The following PIK3C2G variants were observed in gnomAD, a reference collection of about 807,000 sequenced individuals.
The protein encoded by PIK3C2G is phosphatidylinositol-4-phosphate 3-kinase catalytic subunit type 2 gamma.
Under a neutral mutation model 181.1 loss-of-function variants are expected in PIK3C2G, and 168 were observed. That is an observed-to-expected ratio of 0.93 (90% confidence interval 0.82 to 1.05). PIK3C2G has a LOEUF of 1.05. Among genes scored for constraint, PIK3C2G ranks in the 50% least tolerant of loss-of-function variants. The probability of loss-of-function intolerance (pLI) is 0.00; values close to 1 mark genes in which losing one functional copy is unlikely to be tolerated. For missense variants in PIK3C2G, 1,869 were observed against 1,732.8 expected (o/e 1.08, Z -1.40); for synonymous variants, 573 against 592.2 (o/e 0.97, Z 0.47).
chr12:18,339,605 A>G (rs1422355971), intron 9 of PIK3C2G, among the ~76,000 whole-genome samples: 1 of 152,164 alleles, frequency 6.6e-6, no homozygotes, highest in Non-Finnish European at 1.5e-5. Flanking sequence ...GAAATTTTCA[A>G]AAGACTGATT....
Position 18,497,646 on chromosome 12 carries a change from C to T in PIK3C2G, c.2914C>T (p.Leu972Phe), listed in dbSNP as rs765083759. 1.1e-5 allele frequency: 18 copies of T among 1,612,536 alleles called. No homozygotes were observed. The Middle Eastern group carries it at 4.9e-4, about 44-fold the overall frequency. Residue 972 changes from leucine to phenylalanine, a missense_variant, in exon 22 of 33, where the codon CTT becomes TTT. Coordinates refer to ENST00000538779, the MANE Select transcript of PIK3C2G (RefSeq NM_001288772.2). ...TGGAGATGATCTTCGTCAGGATATGCTTGTTCTGCAGCTTATTCAAGTGAT... is the reference window on the plus strand; with the variant it reads ...TGGAGATGATCTTCGTCAGGATATGTTTGTTCTGCAGCTTATTCAAGTGAT... Reference protein sequence around the residue: ...KAGDDLRQDMLVLQLIQVMDN... With the variant: ...KAGDDLRQDMFVLQLIQVMDN...
At chr12:18,399,243 C>A (rs1944098846) in intron 15 of PIK3C2G, among the ~76,000 whole-genome samples, 1 of 148,832 alleles carries the variant, frequency 6.7e-6, no homozygotes, top group Non-Finnish European at 1.5e-5. Flanking sequence ...ACTTGGATCT[C>A]AGTTAATTTA....
the PIK3C2G span, among the ~76,000 whole-genome samples, chr12:18,700,792 T>C: frequency 6.6e-6 from 1 of 152,166 alleles, no homozygotes; most frequent in East Asian, 1.9e-4. Flanking sequence ...ATTGGTTTTG[T>C]GTCACATGCA....
chr12:18,650,043 C>T (rs1353349036), downstream of PIK3C2G, among the ~76,000 whole-genome samples: 1 of 151,962 alleles, frequency 6.6e-6, no homozygotes, highest in African/African-American at 2.4e-5. Context: ...ACTGATGATT[C>T]CCAGTTTTAT....
At chr12:18,598,764 A>G (rs909885917) in intron 30 of PIK3C2G, among the ~76,000 whole-genome samples, 4 of 149,920 alleles carry the variant, frequency 2.7e-5, no homozygotes, top group African/African-American at 9.7e-5. Flanking sequence ...CAAAGGGCTA[A>G]TATCCAGAAT....
chr12:18,382,383 T>C (rs567816739), intron 14 of PIK3C2G, among the ~76,000 whole-genome samples: 1 of 152,308 alleles, frequency 6.6e-6, no homozygotes, highest in African/African-American at 2.4e-5. Context: ...TTAGTGATCA[T>C]AAAAGAAAGG....
chr12:18,682,029 A>C, the PIK3C2G span, among the ~76,000 whole-genome samples: 1 of 152,024 alleles, frequency 6.6e-6, no homozygotes, highest in African/African-American at 2.4e-5. Context: ...TCCATTCATT[A>C]TCTGGCAAAA....
chr12:18,272,433 C>T (rs1382859339), intron 1 of PIK3C2G, among the ~76,000 whole-genome samples: 1 of 152,162 alleles, frequency 6.6e-6, no homozygotes, highest in African/African-American at 2.4e-5. Flanking sequence ...GTGATATTAG[C>T]AGTCACCAAT....
intron 5 of PIK3C2G, among the ~76,000 whole-genome samples, chr12:18,302,259 G>A (rs1301910553): frequency 2.0e-5 from 3 of 152,144 alleles, no homozygotes; most frequent in Non-Finnish European, 4.4e-5. Flanking sequence ...GGGGCCCCTG[G>A]CAGTGCGCCT....
intron 16 of PIK3C2G, among the ~76,000 whole-genome samples, chr12:18,403,031 T>A (rs977895047): frequency 6.6e-6 from 1 of 152,172 alleles, no homozygotes; most frequent in Non-Finnish European, 1.5e-5. Context: ...TGAGAGCTTA[T>A]AATCTGAACC....
rs59791930 is a variant in PIK3C2G at position 18,281,268 on chromosome 12, C to CAAAAAAA, written c.-78-723_-78-717dup. Among the ~76,000 whole-genome samples, 2 of 73,746 alleles carry CAAAAAAA rather than the reference C, an allele frequency of 2.7e-5. 1 individual carries two copies. The highest frequency in any genetic ancestry group is 5.2e-5 in the Non-Finnish European group (2 of 38,268). The allele number at this position is 73,746 out of a possible 152,430, so 48.4% of individuals were successfully genotyped here. ...GATAAGATGGAAAATGCATAATAGG[C>CAAAAAAA]AAAAAAAAAAAAAAAAAAAGCCAGT... On this transcript the variant is annotated intron_variant, in intron 1 of 32. Transcript: ENST00000538779.
chr12:18,693,762 T>C, the PIK3C2G span: 3 of 1,518,052 alleles, frequency 2.0e-6, no homozygotes, highest in South Asian at 1.1e-5. Context: ...AAAGCTATCA[T>C]GGCCACAAAC....
intron 26 of PIK3C2G, among the ~76,000 whole-genome samples, chr12:18,554,806 G>A (rs958702907): frequency 5.9e-5 from 9 of 151,962 alleles, no homozygotes; most frequent in South Asian, 2.1e-4. Flanking sequence ...TTCTTTATGC[G>A]ATAAAAGAAA....
At chr12:18,608,948 C>T (rs140113083) in intron 30 of PIK3C2G, among the ~76,000 whole-genome samples, 29 of 152,072 alleles carry the variant, frequency 1.9e-4, no homozygotes, top group African/African-American at 6.7e-4. Context: ...TTAGGCAAAA[C>T]GTTTATATGA....
chr12:18,532,890 T>G (rs544567418), intron 24 of PIK3C2G, among the ~76,000 whole-genome samples: 10 of 151,856 alleles, frequency 6.6e-5, no homozygotes, highest in Middle Eastern at 3.4e-3. Flanking sequence ...GCTGTTTTTT[T>G]TTTTTTTTTT....
intron 5 of PIK3C2G, among the ~76,000 whole-genome samples, chr12:18,306,891 A>G (rs531803293): frequency 6.6e-6 from 1 of 151,920 alleles, no homozygotes; most frequent in South Asian, 2.1e-4. Context: ...TGAGTTTAAT[A>G]TTTCACAATA....
chr12:18,594,381 A>C (rs1947241925), intron 29 of PIK3C2G, 113 bp from the exon 30 acceptor site: 5 of 603,646 alleles, frequency 8.3e-6, no homozygotes, highest in South Asian at 4.6e-5. Context: ...TATTTGTAGA[A>C]TCTATAACAG....
chr12:18,655,894 CAT>C, the PIK3C2G span, among the ~76,000 whole-genome samples: 2 of 152,230 alleles, frequency 1.3e-5, no homozygotes, highest in Non-Finnish European at 2.9e-5. Flanking sequence ...CTTCAGGAGA[CAT>C]GACTACTCTA....
chr12:18,425,471 A>G (rs943013235), intron 18 of PIK3C2G, among the ~76,000 whole-genome samples: 3 of 137,876 alleles, frequency 2.2e-5, no homozygotes, highest in African/African-American at 8.3e-5. Context: ...AGCTCACTGC[A>G]ACCTCCAACT....
Sources: gnomAD v4.1 joint callset for allele counts (sites outside exome capture counted in the v4.1 genomes callset) on GRCh38, gnomAD v4.1.1 for gene constraint, MANE v1.5 for transcripts, NCBI Gene and HGNC (gene_info 2026-07-23, HGNC 2026-07-21) for gene names.